Variants in MCTP1 observed in about 807,000 individuals in gnomAD.
MCTP1 encodes the protein multiple C2 and transmembrane domain-containing protein 1.
A neutral mutation model predicts 120.6 loss-of-function variants in MCTP1; 69 were observed. The observed-to-expected ratio is 0.57, with a 90% CI of 0.47 to 0.70. MCTP1 has a LOEUF of 0.70. MCTP1 is among the 30% of genes least tolerant of loss of function. MCTP1 has a pLI of 0.00. For synonymous variants in MCTP1, 529 were observed against 493.1 expected (o/e 1.07, Z -0.96); for missense variants, 1,203 against 1,248.8 (o/e 0.96, Z 0.55).
intron 1 of MCTP1, among the ~76,000 whole-genome samples, chr5:95,111,272 A>C (rs1355263497): frequency 3.3e-5 from 5 of 152,204 alleles, no homozygotes; most frequent in African/African-American, 7.2e-5. Context: ...TAGTGATGAT[A>C]GTGCTTTCTC....
intron 17 of MCTP1, among the ~76,000 whole-genome samples, chr5:94,829,350 T>C (rs1447018116): frequency 6.6e-6 from 1 of 152,140 alleles, no homozygotes; most frequent in Non-Finnish European, 1.5e-5. Context: ...TTTGAAAATG[T>C]AGAAATCACC....
intron 1 of MCTP1, among the ~76,000 whole-genome samples, chr5:95,150,054 A>T (rs1178010318): frequency 6.6e-6 from 1 of 151,744 alleles, no homozygotes; most frequent in Non-Finnish European, 1.5e-5. Flanking sequence ...GTCAGTATTT[A>T]CTCACCACTT....
chr5:95,087,956 C>A (rs185863168), intron 1 of MCTP1, among the ~76,000 whole-genome samples: 1 of 152,142 alleles, frequency 6.6e-6, no homozygotes, highest in African/African-American at 2.4e-5. Flanking sequence ...AACTGACAGC[C>A]GGGTTAGCGA....
intron 11 of MCTP1, 132 bp from the exon 12 acceptor site, chr5:94,889,104 A>T (rs1655199169): frequency 2.0e-5 from 9 of 442,994 alleles, no homozygotes; most frequent in Admixed American, 8.0e-5. Flanking sequence ...AAACTAACTA[A>T]TTTTTTTTTT....
intron 3 of MCTP1, among the ~76,000 whole-genome samples, chr5:94,943,421 G>A (rs1818201020): frequency 6.6e-6 from 1 of 152,076 alleles, no homozygotes; most frequent in Non-Finnish European, 1.5e-5. Context: ...GACAGATAAT[G>A]GAAGGATGCT....
rs141556044 is a variant in MCTP1 at position 95,036,911 on chromosome 5, T to TTCACTCACTCACTCACTCAC, written c.721-19428_721-19427insGTGAGTGAGTGAGTGAGTGA. Among the ~76,000 whole-genome samples, 1,025 of 151,606 alleles carry TTCACTCACTCACTCACTCAC rather than the reference T, an allele frequency of 6.8e-3. 5 individuals are homozygous for TTCACTCACTCACTCACTCAC. Among genetic ancestry groups the TTCACTCACTCACTCACTCAC allele is most frequent in the South Asian group, 0.029 (139 of 4,784 alleles). ...CTACCCTTATCCAGAATTTCATTCTTTCACTCACTCACTCACTCATTTTTT... is the reference window on the plus strand; with the variant it reads ...CTACCCTTATCCAGAATTTCATTCTTTCACTCACTCACTCACTCACTCACTCACTCACTCACTCATTTTTT... On this transcript the variant is annotated intron_variant, in intron 1 of 22. Coordinates refer to ENST00000515393, the MANE Select transcript of MCTP1 (RefSeq NM_024717.7).
intron 1 of MCTP1, among the ~76,000 whole-genome samples, chr5:95,223,817 G>A (rs529854743): frequency 3.3e-5 from 5 of 152,274 alleles, no homozygotes; most frequent in Admixed American, 2.0e-4. Flanking sequence ...GTTAACTTGA[G>A]CCTCAGTCTA....
In MCTP1 at chr5:95,112,357, C is replaced by T. The variant is rs369177704; in HGVS notation, c.721-94873G>A. ...ATTAAATACTGTGCTTAAAACTTTC[C>T]ATGGTATTTCTTCATCTACATCATG... On this transcript the variant is annotated intron_variant, in intron 1 of 22. Coordinates refer to ENST00000515393, the MANE Select transcript of MCTP1 (RefSeq NM_024717.7). 4.6e-5 allele frequency among the ~76,000 whole-genome samples: 7 copies of T among 152,268 alleles called. No individual in the cohort carries two copies. The East Asian group carries it at 9.6e-4, about 21-fold the overall frequency.
rs899535188 is a variant in MCTP1 at position 94,777,053 on chromosome 5, A to C, written c.2610+2057T>G. 8.2e-4 allele frequency among the ~76,000 whole-genome samples: 125 copies of C among 152,294 alleles called. 1 individual carries two copies. Among genetic ancestry groups the C allele is most frequent in the Admixed American group, 1.8e-3 (28 of 15,282 alleles). On this transcript the variant is annotated intron_variant, in intron 19 of 22. Coordinates refer to ENST00000515393, the MANE Select transcript of MCTP1 (RefSeq NM_024717.7). ...TTATGCTATCAATTGCATTATGAGT[A>C]AAAAAGAAAAACCTCCTTTTTTATC...
chr5:94,808,431 G>T (rs564276823), intron 17 of MCTP1, among the ~76,000 whole-genome samples: 18 of 152,248 alleles, frequency 1.2e-4, no homozygotes. Context: ...GACTACCTTA[G>T]ACCCACTGAA....
chr5:95,051,606 T>C (rs1388395915), intron 1 of MCTP1, among the ~76,000 whole-genome samples: 1 of 152,192 alleles, frequency 6.6e-6, no homozygotes, highest in Admixed American at 6.5e-5. Context: ...CTCTTATACT[T>C]GACCAAGTGT....
chr5:95,271,499 C>T (rs1275017342), intron 1 of MCTP1, among the ~76,000 whole-genome samples: 1 of 151,178 alleles, frequency 6.6e-6, no homozygotes, highest in Non-Finnish European at 1.5e-5. Flanking sequence ...TAGAGAAACT[C>T]ACCAAAATGC....
At chr5:95,131,654 T>C (rs1382120604) in intron 1 of MCTP1, among the ~76,000 whole-genome samples, 1 of 151,150 alleles carries the variant, frequency 6.6e-6, no homozygotes, top group Non-Finnish European at 1.5e-5. Flanking sequence ...TCTTTACTTA[T>C]TTCATTTACT....
intron 12 of MCTP1, among the ~76,000 whole-genome samples, chr5:94,884,823 A>G (rs1581183885): frequency 1.3e-5 from 2 of 152,228 alleles, no homozygotes; most frequent in East Asian, 1.9e-4. Flanking sequence ...AAACTGTAGC[A>G]TGTCTTTTTC....
chr5:95,106,903 A>C (rs1345187592), intron 1 of MCTP1, among the ~76,000 whole-genome samples: 1 of 152,230 alleles, frequency 6.6e-6, no homozygotes, highest in Non-Finnish European at 1.5e-5. Flanking sequence ...TAAAACTGGC[A>C]GTATATTTTT....
In MCTP1 at chr5:95,198,713, G is replaced by A. The variant is rs552663619; in HGVS notation, c.720+85143C>T. Among the ~76,000 whole-genome samples, 4 of 152,232 alleles carry A rather than the reference G, an allele frequency of 2.6e-5. No individual in the cohort carries two copies. The South Asian group carries it at 6.2e-4, about 24-fold the overall frequency. On this transcript the variant is annotated intron_variant, in intron 1 of 22. Transcript: ENST00000515393. ...ATTAATTTCACGGGTCTCCAAGCAT[G>A]GCTGAGAACTCAGTGGGAGCAGGAC...
At chr5:95,126,772 T>A (rs1413540721) in intron 1 of MCTP1, among the ~76,000 whole-genome samples, 1 of 152,212 alleles carries the variant, frequency 6.6e-6, no homozygotes, top group African/African-American at 2.4e-5. Flanking sequence ...ATGTGAAGCA[T>A]CTAAGAAGGC....
chr5:95,191,804 C>T (rs1264934590), intron 1 of MCTP1, among the ~76,000 whole-genome samples: 7 of 151,968 alleles, frequency 4.6e-5, no homozygotes, highest in African/African-American at 1.7e-4. Flanking sequence ...ATCTGCCTTC[C>T]TCTTCTATTG....
intron 17 of MCTP1, among the ~76,000 whole-genome samples, chr5:94,841,569 G>C (rs1377050395): frequency 6.6e-6 from 1 of 152,132 alleles, no homozygotes; most frequent in East Asian, 1.9e-4. Context: ...ATCAACAGCA[G>C]CTTGACTCCC....
Sources: allele counts gnomAD v4.1 joint callset (sites outside exome capture counted in the v4.1 genomes callset), GRCh38; gene constraint gnomAD v4.1.1; transcripts MANE v1.5; gene names NCBI Gene and HGNC (gene_info 2026-07-23, HGNC 2026-07-21).